Variants in VPS8 observed in about 807,000 individuals in gnomAD.
VPS8 encodes the protein vacuolar protein sorting-associated protein 8 homolog.
Under a neutral mutation model 216.4 loss-of-function variants are expected in VPS8, and 129 were observed. The ratio of observed to expected loss-of-function variants is 0.60; its 90% CI spans 0.52 to 0.69. VPS8 has a LOEUF of 0.69. Ranked by LOEUF, VPS8 falls within the 30% of genes least tolerant of loss-of-function variation. The probability of loss-of-function intolerance (pLI) is 0.00; values close to 1 mark genes in which losing one functional copy is unlikely to be tolerated. For synonymous variants in VPS8, 571 were observed against 565.4 expected, an observed-to-expected ratio of 1.01 and a Z score of -0.14; for missense variants, 1,531 against 1,683.5, an observed-to-expected ratio of 0.91 and a Z score of 1.59.
intron 45 of VPS8, among the ~76,000 whole-genome samples, chr3:185,002,703 C>T (rs934840154): frequency 2.6e-5 from 4 of 152,288 alleles, no homozygotes; most frequent in Admixed American, 2.6e-4. Flanking sequence ...ACATAAGATG[C>T]TTGGTTTTCC....
chr3:185,028,332 C>T (rs1180338642), intron 46 of VPS8, among the ~76,000 whole-genome samples: 1 of 152,072 alleles, frequency 6.6e-6, no homozygotes, highest in Non-Finnish European at 1.5e-5. Context: ...CTTGACCTAG[C>T]CTTAAGAAAC....
At chr3:184,824,107 A>G (rs1464513140) in intron 1 of VPS8, 4 of 153,266 alleles carry the variant, frequency 2.6e-5, no homozygotes, top group African/African-American at 9.7e-5. Context: ...GGCCCTGTGC[A>G]GAGGCCAACA....
At chr3:184,876,934 A>G (rs944586785) in intron 21 of VPS8, among the ~76,000 whole-genome samples, 1 of 152,160 alleles carries the variant, frequency 6.6e-6, no homozygotes, top group African/African-American at 2.4e-5. Flanking sequence ...CTAATTTTAA[A>G]ATATTTTAAG....
At chr3:185,008,629 G>T (rs1754577964) in intron 45 of VPS8, among the ~76,000 whole-genome samples, 1 of 152,100 alleles carries the variant, frequency 6.6e-6, no homozygotes, top group African/African-American at 2.4e-5. Flanking sequence ...AAGACCTGAA[G>T]GCTAAGGCGG....
At chr3:184,865,044 G>A (rs760762868) in intron 16 of VPS8, among the ~76,000 whole-genome samples, 14 of 152,086 alleles carry the variant, frequency 9.2e-5, no homozygotes, top group Admixed American at 2.0e-4. Context: ...GAAAAAATGC[G>A]CTAGATGGGA....
intron 45 of VPS8, 128 bp from the exon 46 acceptor site, chr3:185,024,208 T>G: frequency 1.2e-6 from 1 of 864,622 alleles, no homozygotes; most frequent in Non-Finnish European, 1.7e-6. Context: ...TATTAATCTA[T>G]TAATTTCCTC....
chr3:184,973,123 TA>T (rs1399686935), intron 40 of VPS8, among the ~76,000 whole-genome samples: 3 of 152,216 alleles, frequency 2.0e-5, no homozygotes, highest in Non-Finnish European at 4.4e-5. Context: ...TTTTCTTTAT[TA>T]AAAGAAACTG....
At chr3:184,966,507 C>T (rs1323545177) in intron 38 of VPS8, among the ~76,000 whole-genome samples, 164 bp from the exon 39 acceptor site, 2 of 152,146 alleles carry the variant, frequency 1.3e-5, no homozygotes, top group Non-Finnish European at 2.9e-5. Context: ...GCTAGCTGTA[C>T]TTTCTATAAA....
At chr3:184,892,362 G>A (rs1421423344) in intron 22 of VPS8, among the ~76,000 whole-genome samples, 2 of 152,026 alleles carry the variant, frequency 1.3e-5, no homozygotes, top group South Asian at 2.1e-4. Context: ...GATTACAGGC[G>A]CGTGCCACCA....
chr3:185,045,600 A>G (rs560789198), intron 46 of VPS8, among the ~76,000 whole-genome samples: 13 of 152,178 alleles, frequency 8.5e-5, no homozygotes, highest in Non-Finnish European at 1.3e-4. Flanking sequence ...GTGAAACCCC[A>G]TCTCTACTAA....
chr3:184,964,722 G>C (rs543856125), intron 38 of VPS8, among the ~76,000 whole-genome samples, 165 bp downstream of exon 38: 1 of 151,984 alleles, frequency 6.6e-6, no homozygotes, highest in East Asian at 1.9e-4. Context: ...TTTCTTTGTG[G>C]TACTTTTTTA....
At chr3:184,839,230 T>C in intron 6 of VPS8, 1 of 176,622 alleles carries the variant, frequency 5.7e-6, no homozygotes, top group Non-Finnish European at 1.2e-5. Context: ...CCAGTGCCTT[T>C]TTAGCATTCC....
chr3:184,825,824 C>T (rs1353949192), intron 2 of VPS8, among the ~76,000 whole-genome samples: 1 of 151,932 alleles, frequency 6.6e-6, no homozygotes, highest in Non-Finnish European at 1.5e-5. Context: ...TTGCTTGAAC[C>T]CGGGAGGTGG....
At chr3:184,979,633 T>TG (rs1348211663) in intron 40 of VPS8, among the ~76,000 whole-genome samples, 2 of 152,178 alleles carry the variant, frequency 1.3e-5, no homozygotes, top group African/African-American at 2.4e-5. Flanking sequence ...TGCTCTTTTT[T>TG]ATTTTTTTGT....
intron 11 of VPS8, 123 bp from the exon 12 acceptor site, chr3:184,853,734 G>A (rs1198205911): frequency 2.1e-6 from 2 of 940,876 alleles, no homozygotes; most frequent in Non-Finnish European, 3.2e-6. Flanking sequence ...CTGTCCTGTG[G>A]AGCTTGGATT....
chr3:184,968,662 C>G (rs534913821), intron 39 of VPS8, among the ~76,000 whole-genome samples: 1 of 152,212 alleles, frequency 6.6e-6, no homozygotes, highest in East Asian at 1.9e-4. Flanking sequence ...GGCTATTTAT[C>G]TACCTTATTT....
intron 13 of VPS8, among the ~76,000 whole-genome samples, chr3:184,854,422 A>G (rs1281453238): frequency 6.6e-6 from 1 of 152,212 alleles, no homozygotes; most frequent in Non-Finnish European, 1.5e-5. Context: ...CTTTTCTCTC[A>G]TAGACAGCAT....
chr3:184,887,057 A>G (rs928176713), intron 22 of VPS8, among the ~76,000 whole-genome samples: 3 of 152,188 alleles, frequency 2.0e-5, no homozygotes, highest in Non-Finnish European at 2.9e-5. Flanking sequence ...AAACTAGCCA[A>G]CCTGGCTGGA....
chr3:184,894,987 T>TA lies in VPS8; in HGVS notation c.2004+63dup. ...ACTTCATTCCTTTATTGATAACACT[T>TA]ACTTCACTGATCAGGCCTGACCCTG... is the stretch of plus-strand genomic sequence containing the variant. On this transcript the variant is annotated intron_variant, in intron 23 of 47. Transcript: ENST00000625842. The TA allele has an allele frequency of 2.9e-6, 4 of 1,392,478 alleles. No individual in the cohort carries two copies. In the South Asian group the frequency reaches 5.3e-5, roughly 18 times the overall value. 86.3% of individuals were successfully genotyped at this position (1,392,478 alleles called of 1,614,324 possible). A position where few individuals can be genotyped will look rare whatever the true frequency, so the allele number is the denominator to read the frequency against.
Sources: allele counts gnomAD v4.1 joint callset (sites outside exome capture counted in the v4.1 genomes callset), GRCh38; gene constraint gnomAD v4.1.1; transcripts MANE v1.5; gene names NCBI Gene and HGNC (gene_info 2026-07-23, HGNC 2026-07-21).